Variants in SPIRE1 observed in about 807,000 individuals in gnomAD.
SPIRE1 encodes the protein spire type actin nucleation factor 1, also known as protein spire homolog 1.
In SPIRE1, 40 loss-of-function variants were observed where a neutral mutation model predicts 94.1. The ratio of observed to expected loss-of-function variants is 0.43; its 90% CI spans 0.33 to 0.55. SPIRE1 has a LOEUF of 0.55. Ranked by LOEUF, SPIRE1 falls within the 20% of genes least tolerant of loss-of-function variation. SPIRE1 has a pLI of 0.06. For missense variants in SPIRE1, 838 were observed against 975.2 expected (o/e 0.86, Z 1.87); for synonymous variants, 376 against 371.7 (o/e 1.01, Z -0.13).
At chr18:12,467,483 CAG>C (rs2032162832) in intron 10 of SPIRE1, among the ~76,000 whole-genome samples, 1 of 152,120 alleles carries the variant, frequency 6.6e-6, no homozygotes, top group Non-Finnish European at 1.5e-5. Flanking sequence ...GAAATAAAAG[CAG>C]AGAGTGTCTC....
At chr18:12,519,258 G>A (rs2034290064) in intron 4 of SPIRE1, among the ~76,000 whole-genome samples, 1 of 152,122 alleles carries the variant, frequency 6.6e-6, no homozygotes, top group Non-Finnish European at 1.5e-5. Flanking sequence ...TCATAAAAAT[G>A]AAAGCAATTC....
rs562955534 is a variant in SPIRE1 at position 12,558,418 on chromosome 18, G to T, written c.373-11514C>A. ...AGTGCAAACCCAAAGAGTGAGCACCGGCAAGATTTACTGCAAAGAGCGAAA... is the reference window on the plus strand; with the variant it reads ...AGTGCAAACCCAAAGAGTGAGCACCTGCAAGATTTACTGCAAAGAGCGAAA... On this transcript the variant is annotated intron_variant, in intron 2 of 16. Coordinates refer to ENST00000409402, the MANE Select transcript of SPIRE1 (RefSeq NM_001128626.2). Among the ~76,000 whole-genome samples, 6 of 152,284 alleles carry T rather than the reference G, an allele frequency of 3.9e-5. No homozygotes were observed. The East Asian group carries it at 1.2e-3, about 29-fold the overall frequency.
chr18:12,556,702 C>T (rs780074298), intron 2 of SPIRE1, among the ~76,000 whole-genome samples: 10 of 151,788 alleles, frequency 6.6e-5, no homozygotes, highest in East Asian at 1.9e-4. Flanking sequence ...TCCTCCCTCC[C>T]GCTGGGTTCA....
At position 12,542,265 on chromosome 18, in the gene SPIRE1, G is replaced by A. The variant is rs761437722; in HGVS notation, c.603+4409C>T. Among the ~76,000 whole-genome samples, 7 of 151,992 alleles carry A rather than the reference G, an allele frequency of 4.6e-5. No individual in the cohort carries two copies. The East Asian group carries it at 9.6e-4, about 21-fold the overall frequency. ...GCTGGGATTACAGGCATGAGCCACC[G>A]CACGCAGCCAACAAGGCATTTTACA... On this transcript the variant is annotated intron_variant, in intron 3 of 16. Transcript: ENST00000409402.
intron 2 of SPIRE1, 125 bp from the exon 3 acceptor site, chr18:12,547,029 T>C: frequency 1.7e-6 from 1 of 599,902 alleles, no homozygotes; most frequent in Admixed American, 3.1e-5. Context: ...ACACAAACCC[T>C]TTTTATATTC....
intron 2 of SPIRE1, among the ~76,000 whole-genome samples, chr18:12,549,541 T>C (rs2035284033): frequency 1.6e-5 from 2 of 128,484 alleles, no homozygotes; most frequent in Admixed American, 9.6e-5. Flanking sequence ...AATCTCCACC[T>C]CCCGGGTTCA....
At chr18:12,450,487 C>A in intron 16 of SPIRE1, 1 of 555,668 alleles carries the variant, frequency 1.8e-6, no homozygotes, top group Non-Finnish European at 3.0e-6. Context: ...GGCAAGATGT[C>A]TGCTTATGCC....
At chr18:12,650,765 G>A (rs2038357594) in intron 1 of SPIRE1, among the ~76,000 whole-genome samples, 1 of 150,558 alleles carries the variant, frequency 6.6e-6, no homozygotes, top group South Asian at 2.1e-4. Context: ...TGTAGTCCCA[G>A]CTACTCGGGA....
At chr18:12,545,194 AAACAT>A (rs1181497408) in intron 3 of SPIRE1, among the ~76,000 whole-genome samples, 9 of 152,258 alleles carry the variant, frequency 5.9e-5, no homozygotes, top group African/African-American at 2.2e-4. Flanking sequence ...AACATCTAGA[AAACAT>A]AACATAAATA....
At chr18:12,454,863 C>T (rs1450911321) in intron 12 of SPIRE1, among the ~76,000 whole-genome samples, 1 of 151,954 alleles carries the variant, frequency 6.6e-6, no homozygotes, top group Non-Finnish European at 1.5e-5. Flanking sequence ...GTCTTCTACA[C>T]CTATGAAAAA....
At chr18:12,521,891 C>A (rs191545189) in intron 4 of SPIRE1, among the ~76,000 whole-genome samples, 1 of 152,094 alleles carries the variant, frequency 6.6e-6, no homozygotes, top group East Asian at 1.9e-4. Flanking sequence ...TTGATAAATG[C>A]GTGTGTTCTG....
upstream of SPIRE1, chr18:12,658,275 C>A: frequency 2.2e-6 from 1 of 454,468 alleles, no homozygotes; most frequent in Non-Finnish European, 4.3e-6. Context: ...GCAGGGCTCT[C>A]AGAGTCGCAG....
At chr18:12,549,151 G>A (rs1430197662) in intron 2 of SPIRE1, among the ~76,000 whole-genome samples, 6 of 152,114 alleles carry the variant, frequency 3.9e-5, no homozygotes, top group African/African-American at 9.7e-5. Context: ...TTTCAAAGAC[G>A]GCAGAGCCTA....
intron 11 of SPIRE1, 45 bp from the exon 12 acceptor site, chr18:12,463,538 AAC>A: frequency 6.6e-7 from 1 of 1,506,222 alleles, no homozygotes; most frequent in Non-Finnish European, 9.1e-7. Context: ...TGAATTTTCT[AAC>A]ACAAAACCTT....
chr18:12,574,439 C>A (rs1026009662), intron 2 of SPIRE1, among the ~76,000 whole-genome samples: 1 of 151,990 alleles, frequency 6.6e-6, no homozygotes, highest in East Asian at 1.9e-4. Context: ...CAGGACTTCA[C>A]AATGCATTAA....
At chr18:12,582,248 C>G (rs971353476) in intron 2 of SPIRE1, among the ~76,000 whole-genome samples, 1 of 151,966 alleles carries the variant, frequency 6.6e-6, no homozygotes, top group African/African-American at 2.4e-5. Flanking sequence ...TGGTTATTTC[C>G]AATTATTTAT....
At chr18:12,456,185 C>T (rs1028398925) in intron 12 of SPIRE1, among the ~76,000 whole-genome samples, 13 of 152,172 alleles carry the variant, frequency 8.5e-5, no homozygotes, top group East Asian at 1.9e-4. Flanking sequence ...AAAAAATTAA[C>T]GATCACAGTT....
At chr18:12,453,902 A>T (rs1234258144) in intron 13 of SPIRE1, among the ~76,000 whole-genome samples, 1 of 151,940 alleles carries the variant, frequency 6.6e-6, no homozygotes, top group Non-Finnish European at 1.5e-5. Context: ...CTCCCACCTC[A>T]GCCTCCCGAG....
intron 8 of SPIRE1, among the ~76,000 whole-genome samples, chr18:12,487,810 T>G (rs1481782947): frequency 6.6e-6 from 1 of 152,240 alleles, no homozygotes; most frequent in Non-Finnish European, 1.5e-5. Flanking sequence ...TTATGGTATA[T>G]AAATGGCGTA....
Sources: allele counts gnomAD v4.1 joint callset (sites outside exome capture counted in the v4.1 genomes callset), GRCh38; gene constraint gnomAD v4.1.1; transcripts MANE v1.5; gene names NCBI Gene and HGNC (gene_info 2026-07-23, HGNC 2026-07-21).